Variants in SCEL observed in about 807,000 individuals in gnomAD.
The protein encoded by SCEL is sciellin.
A neutral mutation model predicts 117.6 loss-of-function variants in SCEL; 113 were observed. The ratio of observed to expected loss-of-function variants is 0.96; its 90% CI spans 0.83 to 1.12. The LOEUF is 1.12. Ranked by LOEUF, SCEL falls within the 50% of genes most tolerant of loss-of-function variation. The pLI is 0.00. For synonymous variants in SCEL, 270 were observed against 256.2 expected (o/e 1.05, Z -0.51); for missense variants, 785 against 810.8 (o/e 0.97, Z 0.39).
At chr13:77,606,654 G>A (rs994392624) in intron 19 of SCEL, 1 of 152,104 alleles carries the variant, frequency 6.6e-6, no homozygotes, top group South Asian at 2.1e-4. Context: ...GCATAACAAA[G>A]GTTCAAAGTA....
intron 28 of SCEL, among the ~76,000 whole-genome samples, chr13:77,632,523 C>T (rs1366064885): frequency 6.6e-6 from 1 of 152,188 alleles, no homozygotes; most frequent in Non-Finnish European, 1.5e-5. Context: ...TTTTGTGAAA[C>T]ATCTGCCTTA....
At chr13:77,581,285 G>A (rs1250618478) in intron 9 of SCEL, among the ~76,000 whole-genome samples, 1 of 152,122 alleles carries the variant, frequency 6.6e-6, no homozygotes, top group African/African-American at 2.4e-5. Flanking sequence ...CTGAGTTTAA[G>A]TTTATTATTT....
chr13:77,543,804 C>T (rs189107540), intron 1 of SCEL, among the ~76,000 whole-genome samples: 24 of 152,154 alleles, frequency 1.6e-4, no homozygotes, highest in Admixed American at 1.4e-3. Flanking sequence ...ACTTTTTAGT[C>T]GAGTAAATTT....
intron 24 of SCEL, among the ~76,000 whole-genome samples, chr13:77,615,254 C>A (rs780442468): frequency 6.6e-6 from 1 of 152,018 alleles, no homozygotes; most frequent in Non-Finnish European, 1.5e-5. Context: ...GATGAGAATA[C>A]TGAGACCAGG....
chr13:77,558,782 C>T (rs2084803948), intron 3 of SCEL, among the ~76,000 whole-genome samples: 1 of 137,942 alleles, frequency 7.2e-6, no homozygotes. Flanking sequence ...CGCACCACTG[C>T]ACTCCAGCCT....
At chr13:77,589,495 C>G (rs1176285141) in intron 10 of SCEL, among the ~76,000 whole-genome samples, 7 of 152,080 alleles carry the variant, frequency 4.6e-5, no homozygotes, top group Non-Finnish European at 7.4e-5. Context: ...TGTACACAGA[C>G]TTTTTATATA....
At chr13:77,537,497 G>A (rs2083469934) in intron 1 of SCEL, among the ~76,000 whole-genome samples, 1 of 152,168 alleles carries the variant, frequency 6.6e-6, no homozygotes. Context: ...AGTGTGTATG[G>A]TATGACTAAG....
At chr13:77,640,968 T>C (rs2090530440) in intron 31 of SCEL, among the ~76,000 whole-genome samples, 184 bp downstream of exon 31, 1 of 152,216 alleles carries the variant, frequency 6.6e-6, no homozygotes, top group Admixed American at 6.5e-5. Flanking sequence ...TTGTAATTAC[T>C]ATCTTGGCTT....
intron 23 of SCEL, among the ~76,000 whole-genome samples, chr13:77,613,214 A>G (rs1333440753): frequency 6.6e-6 from 1 of 152,158 alleles, no homozygotes; most frequent in East Asian, 1.9e-4. Flanking sequence ...ACTAGATTAT[A>G]ACCATAAGTT....
In SCEL at chr13:77,556,604, A is replaced by C; in HGVS notation, c.52A>C (p.Ser18Arg). Residue 18 changes from serine (S) to arginine (R), a missense_variant, in exon 3 of 33, where the codon AGC (serine) becomes CGC (arginine). Transcript: ENST00000349847. ...KMSPTGNEMK[S>R]TTQGTTRKQQ... ...CATGTTTCTGTTGATAGAGATGAAG[A>C]GCACCACTCAGGGAACCACACGGAA... 2 of 1,613,392 alleles carry C rather than the reference A, an allele frequency of 1.2e-6. No individual in the cohort carries two copies. Among genetic ancestry groups the C allele is most frequent in the East Asian group, 2.2e-5 (1 of 44,886 alleles).
chr13:77,558,320 G>A (rs2084774609), intron 3 of SCEL, among the ~76,000 whole-genome samples: 1 of 152,116 alleles, frequency 6.6e-6, no homozygotes, highest in Non-Finnish European at 1.5e-5. Flanking sequence ...CCAGTTCTGG[G>A]CTGTGTGTTA....
intron 27 of SCEL, among the ~76,000 whole-genome samples, chr13:77,618,600 CAACAAGGA>C (rs1469324068): frequency 3.3e-5 from 5 of 152,088 alleles, no homozygotes; most frequent in African/African-American, 1.2e-4. Context: ...TGACTCCTGT[CAACAAGGA>C]AACAAGGAAA....
At chr13:77,604,164 CAAAT>C in intron 18 of SCEL, 188 bp from the exon 19 acceptor site, 2 of 396,850 alleles carry the variant, frequency 5.0e-6, no homozygotes, top group Non-Finnish European at 8.8e-6. Context: ...TTATTACTAA[CAAAT>C]AAGCAACATT....
chr13:77,613,160 T>G (rs1245835835), intron 23 of SCEL, among the ~76,000 whole-genome samples: 1 of 152,182 alleles, frequency 6.6e-6, no homozygotes, highest in Non-Finnish European at 1.5e-5. Context: ...GCTAATTCTG[T>G]GTAATTACTA....
Position 77,642,764 on chromosome 13 carries a change from A to G in SCEL, c.2006A>G (p.Tyr669Cys), listed in dbSNP as rs374031507. The change falls in exon 32 of 33, where the codon TAT becomes TGT. Residue 669 changes from tyrosine (Y) to cysteine (C), a missense_variant. Physicochemically the swap from Tyr to Cys is radical, Grantham distance 194. Transcript: ENST00000349847. ...CAAGCGGGTGATAGTATTTGGATTT[A>G]TAGACAGACAATACACTGTGAACCT... ...NLQAGDSIWI[Y>C]RQTIHCEPCY... is the part of the protein sequence containing the mutation. 4 of 1,607,852 alleles carry G rather than the reference A, an allele frequency of 2.5e-6. No individual in the cohort carries two copies. Among genetic ancestry groups the G allele is most frequent in the East Asian group, 4.5e-5 (2 of 44,722 alleles).
chr13:77,623,830 G>T (rs1368826914), intron 27 of SCEL, among the ~76,000 whole-genome samples: 2 of 152,204 alleles, frequency 1.3e-5, no homozygotes, highest in Non-Finnish European at 2.9e-5. Context: ...AGGAGTTAAA[G>T]ATGTCCACCA....
chr13:77,585,738 T>C (rs73227364), intron 9 of SCEL, among the ~76,000 whole-genome samples: 20,270 of 152,116 alleles, frequency 0.13, 1,431 homozygotes, highest in Non-Finnish European at 0.15. Context: ...TGTACCTCCC[T>C]GAACCTGACC....
intron 12 of SCEL, among the ~76,000 whole-genome samples, chr13:77,596,518 A>G (rs1376495366): frequency 6.6e-6 from 1 of 152,090 alleles, no homozygotes; most frequent in Non-Finnish European, 1.5e-5. Context: ...TCATTTTACA[A>G]ATGGGAAAAT....
chr13:77,577,170 T>C (rs1416043052), intron 9 of SCEL, among the ~76,000 whole-genome samples: 4 of 152,152 alleles, frequency 2.6e-5, no homozygotes, highest in African/African-American at 9.7e-5. Flanking sequence ...CTTCCAATAC[T>C]CTCTTGACTA....
Sources: gnomAD v4.1 joint callset for allele counts (sites outside exome capture counted in the v4.1 genomes callset) on GRCh38, gnomAD v4.1.1 for gene constraint, MANE v1.5 for transcripts, NCBI Gene and HGNC (gene_info 2026-07-23, HGNC 2026-07-21) for gene names.